Variants in URB1 observed in about 807,000 individuals in gnomAD.
The protein encoded by URB1 is URB1 ribosome biogenesis factor.
Under a neutral mutation model 242.3 loss-of-function variants are expected in URB1, and 197 were observed. That is an observed-to-expected ratio of 0.81 (90% CI 0.72 to 0.91). The LOEUF is 0.91. Among genes scored for constraint, URB1 ranks in the 40% least tolerant of loss-of-function variants. URB1 has a pLI of 0.00. For missense variants in URB1, 2,721 were observed against 2,860.5 expected (o/e 0.95, Z 1.11); for synonymous variants, 1,153 against 1,201.8 (o/e 0.96, Z 0.84).
Position 32,383,568 on chromosome 21 carries a change from C to G in URB1, c.435-14G>C. The G allele has an allele frequency of 6.5e-7, 1 of 1,548,010 alleles. No homozygotes were observed. Among genetic ancestry groups the G allele is most frequent in the Non-Finnish European group, 8.7e-7 (1 of 1,145,604 alleles). On this transcript the variant is annotated splice_polypyrimidine_tract_variant and intron_variant, in intron 3 of 38. Coordinates refer to ENST00000382751, the MANE Select transcript of URB1 (RefSeq NM_014825.3). The stretch of plus-strand genomic sequence containing the variant: ...GCGCGAGCCAACCTGCACAGGGAAC[C>G]AGAGGAAATCGGACACGTCAACAAC...
rs1189703135 is a variant in URB1, at chr21:32,337,510, C to T, written c.4515G>A (p.Ala1505=). The part of the protein sequence containing the change: ...EESPDSQVKE[A]LVDLMLTVVE... ...CCACCGTCAGCATCAGGTCCACCAG[C>T]GCTTCTGCAAGAAAACAACCCTGAA... is the stretch of plus-strand genomic sequence containing the variant. The change falls in exon 27 of 39, where the codon GCG becomes GCA. Residue 1505 remains alanine (A), a synonymous_variant. Transcript: ENST00000382751. 13 of 1,551,368 alleles carry T rather than the reference C, an allele frequency of 8.4e-6. No individual in the cohort carries two copies. Among genetic ancestry groups the T allele is most frequent in the Middle Eastern group, 3.3e-4 (2 of 6,012 alleles).
chr21:32,341,522 A>G lies in URB1; in HGVS notation c.4260T>C (p.His1420=), dbSNP rs1455215579. 5 of 1,551,424 alleles carry G rather than the reference A, an allele frequency of 3.2e-6. No individual in the cohort carries two copies. In the Admixed American group the frequency reaches 9.8e-5, roughly 30 times the overall value. ...CACCAGGATCAACTTCATTAAGTGCATGCTATGAATAAAATAAGTAAGAAA... is the reference window on the plus strand; with the variant it reads ...CACCAGGATCAACTTCATTAAGTGCGTGCTATGAATAAAATAAGTAAGAAA... ...EMLLRLNALL[H]ALNEVDPGDW... is the part of the protein sequence containing the mutation. The change falls in exon 25 of 39, where the codon CAT becomes CAC. Residue 1420 remains histidine, a splice_region_variant and synonymous_variant. Coordinates refer to ENST00000382751, the MANE Select transcript of URB1 (RefSeq NM_014825.3).
chr21:32,317,614 G>A, intron 37 of URB1, 62 bp downstream of exon 37: 2 of 1,526,518 alleles, frequency 1.3e-6, no homozygotes, highest in Middle Eastern at 1.7e-4. Flanking sequence ...GAGAGGGAGG[G>A]ACGGACAGGG....
intron 21 of URB1, among the ~76,000 whole-genome samples, chr21:32,348,641 C>T (rs2033121806): frequency 6.6e-6 from 1 of 152,150 alleles, no homozygotes; most frequent in South Asian, 2.1e-4. Context: ...GAAAGAGGAG[C>T]CTATCACAGT....
At chr21:32,348,595 AAAG>A (rs1307727333) in intron 21 of URB1, among the ~76,000 whole-genome samples, 6 of 152,220 alleles carry the variant, frequency 3.9e-5, no homozygotes, top group Non-Finnish European at 5.9e-5. Flanking sequence ...CCAGAGACAG[AAAG>A]AAATTTTCTT....
intron 5 of URB1, among the ~76,000 whole-genome samples, chr21:32,375,960 A>AAAAACAAAAC (rs879536866): frequency 3.9e-5 from 6 of 152,152 alleles, no homozygotes; most frequent in African/African-American, 1.4e-4. Context: ...CTGTCTCCAA[A>AAAAACAAAAC]AAAACAAAAC....
chr21:32,324,034 C>A (rs963481729), intron 32 of URB1, among the ~76,000 whole-genome samples: 1 of 152,170 alleles, frequency 6.6e-6, no homozygotes, highest in Non-Finnish European at 1.5e-5. Context: ...CCGATCATCA[C>A]CCCATCTTAG....
intron 7 of URB1, 142 bp from the exon 8 acceptor site, chr21:32,372,773 A>G (rs1405887975): frequency 5.0e-6 from 5 of 1,003,148 alleles, no homozygotes; most frequent in Non-Finnish European, 5.6e-6. Flanking sequence ...CAAACAATAA[A>G]TGAAAACAAC....
chr21:32,364,026 T>C (rs2123602044), intron 10 of URB1, among the ~76,000 whole-genome samples: 1 of 151,784 alleles, frequency 6.6e-6, no homozygotes, highest in East Asian at 1.9e-4. Context: ...TTAAAAGCAT[T>C]AGCATCAGGT....
rs552729042 is a variant in URB1 at position 32,311,800 on chromosome 21, C to A, written c.*3118G>T. The A allele has an allele frequency of 1.9e-6, 3 of 1,614,062 alleles. No individual in the cohort carries two copies. The highest frequency in any genetic ancestry group is 2.5e-6 in the Non-Finnish European group (3 of 1,180,032). The stretch of plus-strand genomic sequence containing the variant: ...CCCCTGGCAACCTCACAGGCTCAGG[C>A]GAGCTCAGTGGAGCCAGGGAGCAGA... On this transcript the variant is annotated 3_prime_UTR_variant, in exon 39 of 39. Coordinates refer to ENST00000382751, the MANE Select transcript of URB1 (RefSeq NM_014825.3).
chr21:32,376,588 T>G (rs1348936341), intron 5 of URB1, among the ~76,000 whole-genome samples: 1 of 152,098 alleles, frequency 6.6e-6, no homozygotes, highest in Non-Finnish European at 1.5e-5. Flanking sequence ...AGTTTTATAG[T>G]TTACACCCAA....
intron 30 of URB1, among the ~76,000 whole-genome samples, chr21:32,329,864 T>A (rs900872883): frequency 6.6e-6 from 1 of 152,212 alleles, no homozygotes; most frequent in Non-Finnish European, 1.5e-5. Flanking sequence ...AAATGTAACA[T>A]GGGATAGATG....
At chr21:32,388,868 C>T (rs1474257386) in intron 1 of URB1, among the ~76,000 whole-genome samples, 1 of 152,200 alleles carries the variant, frequency 6.6e-6, no homozygotes, top group Non-Finnish European at 1.5e-5. Context: ...TTCATCTTTC[C>T]ATACACCATT....
chr21:32,311,822 C>G lies in URB1; in HGVS notation c.*3096G>C. On this transcript the variant is annotated 3_prime_UTR_variant, in exon 39 of 39. Coordinates refer to ENST00000382751, the MANE Select transcript of URB1 (RefSeq NM_014825.3). ...AGGCGAGCTCAGTGGAGCCAGGGAG[C>G]AGAACTGGCCCTGACCAGCCGCTAC... 1 of 1,613,992 alleles carries G rather than the reference C, an allele frequency of 6.2e-7. No individual in the cohort carries two copies.
Position 32,314,820 on chromosome 21 carries a change from T to C in URB1, c.*98A>G, listed in dbSNP as rs1464851718. The C allele has an allele frequency of 6.0e-6, 9 of 1,489,484 alleles. No homozygotes were observed. Among genetic ancestry groups the C allele is most frequent in the Non-Finnish European group, 8.1e-6 (9 of 1,107,506 alleles). The allele number at this position is 1,489,484 out of a possible 1,614,324, so 92.3% of individuals were successfully genotyped here. A position where few individuals can be genotyped will look rare whatever the true frequency, so the allele number is the denominator to read the frequency against. On this transcript the variant is annotated 3_prime_UTR_variant, in exon 39 of 39. Coordinates refer to ENST00000382751, the MANE Select transcript of URB1 (RefSeq NM_014825.3). ...AATGTACTGAACCTGTTGTTTCCCA[T>C]GCCTTCTCTGGAAACCCTTGACTCA...
At position 32,312,340 on chromosome 21, in the gene URB1, T is replaced by C; in HGVS notation, c.*2578A>G. ...ATGCCACTTTACCATTACTGTGTAA[T>C]GCGTTATCAGCCCTGAGTTCACCTG... is the stretch of plus-strand genomic sequence containing the variant. On this transcript the variant is annotated 3_prime_UTR_variant, in exon 39 of 39. Coordinates refer to ENST00000382751, the MANE Select transcript of URB1 (RefSeq NM_014825.3). The C allele has an allele frequency of 1.6e-6, 2 of 1,224,846 alleles. No homozygotes were observed. The highest frequency in any genetic ancestry group is 1.6e-5 in the South Asian group (1 of 61,878). The allele number at this position is 1,224,846 out of a possible 1,614,324, so 75.9% of individuals were successfully genotyped here. A position where few individuals can be genotyped will look rare whatever the true frequency, so the allele number is the denominator to read the frequency against.
intron 4 of URB1, among the ~76,000 whole-genome samples, chr21:32,381,126 C>T (rs1370973652): frequency 6.6e-6 from 1 of 152,204 alleles, no homozygotes; most frequent in Non-Finnish European, 1.5e-5. Flanking sequence ...GGGGCTCCAT[C>T]CTCTGTTTCC....
intron 13 of URB1, among the ~76,000 whole-genome samples, chr21:32,360,569 T>C (rs903675528): frequency 3.3e-5 from 5 of 152,198 alleles, no homozygotes; most frequent in Non-Finnish European, 7.4e-5. Flanking sequence ...CAGACAAGCA[T>C]TGTTACTTTT....
chr21:32,345,655 TTG>T, intron 22 of URB1, 80 bp from the exon 23 acceptor site: 2 of 1,403,968 alleles, frequency 1.4e-6, no homozygotes, highest in Non-Finnish European at 1.9e-6. Context: ...TAGGAACTGG[TTG>T]CTATATTTTA....
Sources: gnomAD v4.1 joint callset for allele counts (sites outside exome capture counted in the v4.1 genomes callset) on GRCh38, gnomAD v4.1.1 for gene constraint, MANE v1.5 for transcripts, NCBI Gene and HGNC (gene_info 2026-07-23, HGNC 2026-07-21) for gene names.